The following NAA60 variants were observed in gnomAD, a reference collection of about 807,000 sequenced individuals.
NAA60 encodes N-alpha-acetyltransferase 60, NatF catalytic subunit, also known as N-alpha-acetyltransferase 60.
In NAA60, 8 loss-of-function variants were observed where a neutral mutation model predicts 26.1. That is an observed-to-expected ratio of 0.31 (90% confidence interval 0.18 to 0.55). NAA60 has a LOEUF of 0.55. Ranked by LOEUF, NAA60 falls within the 20% of genes least tolerant of loss-of-function variation. NAA60 has a pLI of 0.93. For synonymous variants in NAA60, 131 were observed against 122.5 expected (o/e 1.07, Z -0.46); for missense variants, 290 against 311.3 (o/e 0.93, Z 0.51).
At chr16:3,464,606 G>A (rs2035621124) in intron 2 of NAA60, among the ~76,000 whole-genome samples, 1 of 152,164 alleles carries the variant, frequency 6.6e-6, no homozygotes, top group Admixed American at 6.5e-5. Flanking sequence ...ATTCTTGGTT[G>A]AGCCTTAAAC....
chr16:3,462,485 G>C (rs775741317), intron 2 of NAA60: 1 of 152,148 alleles, frequency 6.6e-6, no homozygotes, highest in Admixed American at 6.5e-5. Context: ...GTTACATTCA[G>C]AATGTCTTGC....
At chr16:3,449,414 A>G (rs536381722) in intron 2 of NAA60, among the ~76,000 whole-genome samples, 1 of 152,132 alleles carries the variant, frequency 6.6e-6, no homozygotes, top group Non-Finnish European at 1.5e-5. Context: ...GCTACTTGGG[A>G]GGCTGAGGCA....
In NAA60 at chr16:3,458,281, G is replaced by C. The variant is rs538979369; in HGVS notation, c.-7+9741G>C. 5.0e-5 allele frequency: 39 copies of C among 779,678 alleles called. No homozygotes were observed. In the East Asian group the frequency reaches 4.1e-3, roughly 82 times the overall value. 48.3% of individuals were successfully genotyped at this position (779,678 alleles called of 1,614,324 possible). On this transcript the variant is annotated intron_variant, in intron 2 of 7. Transcript: ENST00000407558. ...CCGCGCCGGGGTCAGGGGGGCCAGC[G>C]CCCACCGGGTACGAGCGCGCTGGTG... is the stretch of plus-strand genomic sequence containing the variant.
chr16:3,457,712 G>T (rs988053005), intron 2 of NAA60, among the ~76,000 whole-genome samples: 11 of 152,138 alleles, frequency 7.2e-5, no homozygotes, highest in African/African-American at 1.9e-4. Flanking sequence ...GGGCCTGTGC[G>T]GGGGGGCCAC....
chr16:3,470,670 T>A (rs971898268), intron 2 of NAA60, among the ~76,000 whole-genome samples: 1 of 138,948 alleles, frequency 7.2e-6, no homozygotes, highest in Non-Finnish European at 1.6e-5. Flanking sequence ...GCCAGTGGGG[T>A]TGGGGGGGGC....
In NAA60 at chr16:3,476,622, G is replaced by A. The variant is rs557045739; in HGVS notation, c.110+285G>A. 2.0e-5 allele frequency among the ~76,000 whole-genome samples: 3 copies of A among 152,182 alleles called. No homozygotes were observed. In the South Asian group the frequency reaches 6.2e-4, roughly 32 times the overall value. On this transcript the variant is annotated intron_variant, in intron 3 of 7. Coordinates refer to ENST00000407558, the MANE Select transcript of NAA60 (RefSeq NM_001083601.3). ...TATTTATAATTCAGAAAATTTAGAAGCCACTCAAGTATCTTCACAGCAAGG... is the reference window on the plus strand; with the variant it reads ...TATTTATAATTCAGAAAATTTAGAAACCACTCAAGTATCTTCACAGCAAGG...
chr16:3,482,689 C>A, intron 5 of NAA60, 91 bp downstream of exon 5: 1 of 845,482 alleles, frequency 1.2e-6, no homozygotes, highest in Non-Finnish European at 1.8e-6. Flanking sequence ...TCTTCCCTGG[C>A]CCCAACAACT....
chr16:3,457,907 GCCCGCTCC>G, intron 2 of NAA60: 1 of 388,290 alleles, frequency 2.6e-6, no homozygotes, highest in Non-Finnish European at 2.9e-6. Flanking sequence ...CACGGAGCCT[GCCCGCTCC>G]CAACCTGCCC....
At chr16:3,447,068 C>T (rs1055768017) in intron 1 of NAA60, among the ~76,000 whole-genome samples, 2 of 152,034 alleles carry the variant, frequency 1.3e-5, no homozygotes, top group Non-Finnish European at 2.9e-5. Context: ...GTCTCGAACT[C>T]CTGACCTTGT....
At chr16:3,458,218 T>C in intron 2 of NAA60, 1 of 881,528 alleles carries the variant, frequency 1.1e-6, no homozygotes, top group Non-Finnish European at 1.4e-6. Flanking sequence ...GGCTCGGACC[T>C]GCGGCGGGGC....
rs911908270 is a variant in NAA60 at position 3,480,857 on chromosome 16, G to A, written c.240+1257G>A. On this transcript the variant is annotated intron_variant, in intron 4 of 7. Coordinates refer to ENST00000407558, the MANE Select transcript of NAA60 (RefSeq NM_001083601.3). ...GGAGGCAGTGGAGGTTGCAGTGAGC[G>A]GAGATTGCACTTTTGCACTCCAGCC... is the stretch of plus-strand genomic sequence containing the variant. Among the ~76,000 whole-genome samples the A allele has an allele frequency of 2.4e-4, 37 of 152,204 alleles. 1 individual carries two copies. Among genetic ancestry groups the A allele is most frequent in the African/African-American group, 8.4e-4 (35 of 41,542 alleles).
At chr16:3,484,626 C>A in intron 6 of NAA60, 73 bp from the exon 7 acceptor site, 2 of 1,531,678 alleles carry the variant, frequency 1.3e-6, no homozygotes, top group Non-Finnish European at 1.8e-6. Flanking sequence ...CAGGCCACTG[C>A]GCGGGCCCCT....
At chr16:3,454,957 C>T (rs986994080) in intron 2 of NAA60, among the ~76,000 whole-genome samples, 220 of 152,296 alleles carry the variant, frequency 1.4e-3, no homozygotes, top group African/African-American at 5.0e-3. Context: ...CCGAATGAAC[C>T]GTTGTGAAGA....
intron 2 of NAA60, among the ~76,000 whole-genome samples, chr16:3,455,132 A>T (rs1264419194): frequency 6.6e-6 from 1 of 151,998 alleles, no homozygotes; most frequent in African/African-American, 2.4e-5. Context: ...GCTCGCTGCA[A>T]CCTCGGCCTC....
chr16:3,476,103 G>T (rs902372003), intron 2 of NAA60, 119 bp from the exon 3 acceptor site: 4 of 703,928 alleles, frequency 5.7e-6, no homozygotes, highest in Non-Finnish European at 9.5e-6. Context: ...CTGAGTGCTG[G>T]CTGAGGGGTG....
intron 2 of NAA60, among the ~76,000 whole-genome samples, chr16:3,459,457 A>G (rs1596303630): frequency 6.6e-6 from 1 of 152,252 alleles, no homozygotes; most frequent in East Asian, 1.9e-4. Flanking sequence ...AGGTGAGATT[A>G]AAGACCAGAA....
At position 3,484,706 on chromosome 16, in the gene NAA60, A is replaced by C; in HGVS notation, c.580A>C (p.Ile194Leu). 1.9e-6 allele frequency: 3 copies of C among 1,591,946 alleles called. No homozygotes were observed. The highest frequency in any genetic ancestry group is 1.7e-6 in the Non-Finnish European group (2 of 1,170,290). Residue 194 changes from isoleucine (I) to leucine (L), a missense_variant, in exon 7 of 8, where the codon ATC becomes CTC. Ile to Leu is a conservative substitution (Grantham distance 5). Transcript: ENST00000407558. ...TCCTTAACAGAGCCCCACGGACTAC[A>C]TCCAGCACCTGGGCTCTGCACTAGC... ...GHPPWTILDY[I>L]QHLGSALASL...
chr16:3,444,089 C>G (rs2034451586), intron 1 of NAA60, among the ~76,000 whole-genome samples: 1 of 152,184 alleles, frequency 6.6e-6, no homozygotes, highest in Non-Finnish European at 1.5e-5. Context: ...CAGCTGCAGC[C>G]TAAGCGAGCT....
intron 5 of NAA60, 29 bp downstream of exon 5, chr16:3,482,627 G>GCCCAC: frequency 6.6e-7 from 1 of 1,516,990 alleles, no homozygotes; most frequent in Non-Finnish European, 8.9e-7. Context: ...GCGGCTTGGC[G>GCCCAC]CCCACCCCAC....
Sources: allele counts gnomAD v4.1 joint callset (sites outside exome capture counted in the v4.1 genomes callset), GRCh38; gene constraint gnomAD v4.1.1; transcripts MANE v1.5; gene names NCBI Gene and HGNC (gene_info 2026-07-23, HGNC 2026-07-21).